The following NSD2 variants were observed in gnomAD, a reference collection of about 807,000 sequenced individuals.
NSD2 encodes nuclear receptor binding SET domain protein 2.
Under a neutral mutation model 139.0 loss-of-function variants are expected in NSD2, and 12 were observed. The ratio of observed to expected loss-of-function variants is 0.09; its 90% confidence interval spans 0.06 to 0.14. The LOEUF (loss-of-function observed/expected upper bound fraction) is 0.14, where lower values mean the gene tolerates loss of function less well. Among genes scored for constraint, NSD2 ranks in the 10% least tolerant of loss-of-function variants. The pLI, the probability that NSD2 is intolerant of heterozygous loss-of-function variation, is 1.00. For missense variants in NSD2, 1,155 were observed against 1,745.0 expected (o/e 0.66, Z 6.02); for synonymous variants, 669 against 648.7 (o/e 1.03, Z -0.48).
Position 1,904,316 on chromosome 4 carries a change from A to C in NSD2, c.698A>C (p.Tyr233Ser). 6.2e-7 allele frequency: 1 copy of C among 1,614,080 alleles called. No individual in the cohort carries two copies. Among genetic ancestry groups the C allele is most frequent in the Non-Finnish European group, 8.5e-7 (1 of 1,179,990 alleles). Residue 233 changes from tyrosine to serine, a missense_variant, in exon 3 of 22, where the codon TAC becomes TCC. Physicochemically the swap from Tyr to Ser is moderately radical, Grantham distance 144. Transcript: ENST00000508803. Reference protein sequence around the residue: ...GDLVWSKVSGYPWWPCMVSAD... With the variant: ...GDLVWSKVSGSPWWPCMVSAD... Reference sequence around the variant, plus strand: ...TTGGTGTGGTCCAAAGTGTCGGGTTACCCTTGGTGGCCTTGCATGGTTTCT... The same window carrying C: ...TTGGTGTGGTCCAAAGTGTCGGGTTCCCCTTGGTGGCCTTGCATGGTTTCT...
rs1256308174 is a variant in NSD2, at chr4:1,976,547, G to A, written c.3694G>A (p.Gly1232Arg). 1.2e-6 allele frequency: 2 copies of A among 1,613,990 alleles called. No homozygotes were observed. Among genetic ancestry groups the A allele is most frequent in the Non-Finnish European group, 1.7e-6 (2 of 1,179,960 alleles). ...GAAAACGAGGCGGCGCAGAGCAAAA[G>A]GGGAAGGGAAGAGGCAGTCAGAGGA... Reference protein sequence around the residue: ...KKKTRRRRAKGEGKRQSEDEC... With the variant: ...KKKTRRRRAKREGKRQSEDEC... Residue 1232 changes from glycine (G) to arginine (R), a missense_variant, in exon 21 of 22, where the codon GGG becomes AGG. Physicochemically the swap from Gly to Arg is moderately radical, Grantham distance 125. Transcript: ENST00000508803. The surrounding 1 kb of genome is among the most constrained non-coding windows in gnomAD (Gnocchi z 5.3).
intron 5 of NSD2, among the ~76,000 whole-genome samples, chr4:1,921,395 G>T (rs1294448423): frequency 6.6e-6 from 1 of 152,132 alleles, no homozygotes; most frequent in African/African-American, 2.4e-5. Context: ...AGAGGTGGAG[G>T]TTGCAGTGAG....
intron 3 of NSD2, among the ~76,000 whole-genome samples, chr4:1,910,865 A>C (rs865978593): frequency 1.3e-5 from 2 of 152,166 alleles, no homozygotes; most frequent in East Asian, 3.8e-4. Context: ...CTGAACTGGG[A>C]AACTCAGGCA....
At chr4:1,945,752 A>C in intron 9 of NSD2, 5 of 1,064,160 alleles carry the variant, frequency 4.7e-6, no homozygotes, top group Non-Finnish European at 5.7e-6. Flanking sequence ...CTGATGGCTG[A>C]CATCAGTCAC....
chr4:1,980,039 C>A lies in NSD2; in HGVS notation c.*1130C>A, dbSNP rs1041286392. The A allele has an allele frequency of 4.3e-6, 1 of 232,852 alleles. No individual in the cohort carries two copies. Among genetic ancestry groups the A allele is most frequent in the African/African-American group, 2.2e-5 (1 of 45,308 alleles). 14.4% of individuals were successfully genotyped at this position (232,852 alleles called of 1,614,324 possible). A position where few individuals can be genotyped will look rare whatever the true frequency, so the allele number is the denominator to read the frequency against. Reference sequence around the variant, plus strand: ...TCTGTGGGTCTGGTGATGGAAGATGCAGTCTCTGCTGATCACATGTGCCCT... The same window carrying A: ...TCTGTGGGTCTGGTGATGGAAGATGAAGTCTCTGCTGATCACATGTGCCCT... On this transcript the variant is annotated 3_prime_UTR_variant, in exon 22 of 22. Transcript: ENST00000508803.
intron 11 of NSD2, chr4:1,952,869 C>T: frequency 2.3e-6 from 3 of 1,332,714 alleles, no homozygotes; most frequent in Non-Finnish European, 9.6e-7. Context: ...CAGAACACTT[C>T]CTGGGTCAGG....
chr4:1,876,227 C>A (rs1714247413), intron 1 of NSD2, among the ~76,000 whole-genome samples: 1 of 151,506 alleles, frequency 6.6e-6, no homozygotes, highest in South Asian at 2.1e-4. Context: ...AAAAAAAAAA[C>A]CAAGACAGAT....
chr4:1,910,451 A>G (rs1325821471), intron 3 of NSD2, among the ~76,000 whole-genome samples: 1 of 152,086 alleles, frequency 6.6e-6, no homozygotes, highest in Non-Finnish European at 1.5e-5. Context: ...TCAAGGCTCA[A>G]CCTTTTAAGT....
At chr4:1,893,540 T>G (rs1715814723) in intron 1 of NSD2, among the ~76,000 whole-genome samples, 1 of 136,628 alleles carries the variant, frequency 7.3e-6, no homozygotes, top group African/African-American at 2.6e-5. Context: ...TTTTTTGTTT[T>G]TTGTTTTTTT....
chr4:1,917,106 T>A, intron 4 of NSD2, 69 bp downstream of exon 4: 1 of 1,422,246 alleles, frequency 7.0e-7, no homozygotes, highest in South Asian at 1.5e-5. Context: ...TTAACTTATT[T>A]TTGTTTTGAA....
intron 1 of NSD2, among the ~76,000 whole-genome samples, chr4:1,872,532 C>G (rs764857873): frequency 7.0e-5 from 10 of 141,868 alleles, no homozygotes; most frequent in Non-Finnish European, 9.0e-5. Context: ...GATGTGGTGA[C>G]GTTAATCGTT....
chr4:1,947,804 T>G, intron 9 of NSD2: 1 of 1,048,200 alleles, frequency 9.5e-7, no homozygotes, highest in Non-Finnish European at 1.2e-6. Context: ...TAATTGTATT[T>G]CAAAAACGAT....
At position 1,947,173 on chromosome 4, in the gene NSD2, C is replaced by T. The variant is rs912939824; in HGVS notation, c.1882-3899C>T. On this transcript the variant is annotated intron_variant, in intron 9 of 21. Coordinates refer to ENST00000508803, the MANE Select transcript of NSD2 (RefSeq NM_001042424.3). ...TCGGCCAGACCAGGCTCCTCCCCAG[C>T]ACACTCCCTGTGGGATGGCCGCTGC... 2.8e-5 allele frequency: 30 copies of T among 1,064,438 alleles called. No homozygotes were observed. In the Admixed American group the frequency reaches 3.7e-4, roughly 13 times the overall value. The allele number at this position is 1,064,438 out of a possible 1,614,324, so 65.9% of individuals were successfully genotyped here.
intron 1 of NSD2, among the ~76,000 whole-genome samples, chr4:1,874,187 A>G (rs1473980648): frequency 1.3e-5 from 2 of 152,202 alleles, no homozygotes; most frequent in Non-Finnish European, 2.9e-5. Flanking sequence ...TGGGCTGCTC[A>G]TGGCCATAGA....
rs969900665 is a variant in NSD2, at chr4:1,979,038, C to A, written c.*129C>A. ...GCCAGGACACAGACGTACAGGCCTCCTCGGGAGGGAGCGCCTCCCCACCAC... is the reference window on the plus strand; with the variant it reads ...GCCAGGACACAGACGTACAGGCCTCATCGGGAGGGAGCGCCTCCCCACCAC... On this transcript the variant is annotated 3_prime_UTR_variant, in exon 22 of 22. Coordinates refer to ENST00000508803, the MANE Select transcript of NSD2 (RefSeq NM_001042424.3). 5 of 1,241,072 alleles carry A rather than the reference C, an allele frequency of 4.0e-6. No individual in the cohort carries two copies. The highest frequency in any genetic ancestry group is 5.3e-6 in the Non-Finnish European group (5 of 936,466). 76.9% of individuals were successfully genotyped at this position (1,241,072 alleles called of 1,614,324 possible). A position where few individuals can be genotyped will look rare whatever the true frequency, so the allele number is the denominator to read the frequency against.
intron 6 of NSD2, among the ~76,000 whole-genome samples, chr4:1,934,847 TAAAAAAAAAAA>T (rs34096276): frequency 4.8e-4 from 10 of 20,698 alleles, no homozygotes; most frequent in South Asian, 3.6e-3. Flanking sequence ...GACTCCATCT[TAAAAAAAAAAA>T]AAAAAAAAAA....
At chr4:1,910,350 C>T (rs192129381) in intron 3 of NSD2, among the ~76,000 whole-genome samples, 162 of 152,130 alleles carry the variant, frequency 1.1e-3, no homozygotes, top group Middle Eastern at 3.4e-3. Flanking sequence ...CGCAGCCTCC[C>T]GAGTAGCTGG....
chr4:1,954,209 TC>T (rs1724580090), intron 12 of NSD2, among the ~76,000 whole-genome samples: 1 of 152,064 alleles, frequency 6.6e-6, no homozygotes, highest in African/African-American at 2.4e-5. Context: ...GGTCTTGAAC[TC>T]CTGACCTCAG....
chr4:1,930,827 A>C (rs1721546021), intron 6 of NSD2, 57 bp downstream of exon 6: 8 of 1,540,330 alleles, frequency 5.2e-6, no homozygotes. Flanking sequence ...TAGTGTAGCA[A>C]GCTGAGCTCT....
Sources: allele counts gnomAD v4.1 joint callset (sites outside exome capture counted in the v4.1 genomes callset), GRCh38; gene constraint gnomAD v4.1.1; non-coding constraint Gnocchi (gnomAD v3.1); transcripts MANE v1.5; gene names NCBI Gene and HGNC (gene_info 2026-07-23, HGNC 2026-07-21).